The following ZNF664 variants were observed in gnomAD, a reference collection of about 807,000 sequenced individuals.
The protein encoded by ZNF664 is zinc finger protein 664, also known as zinc finger Organ of Corti 1.
In ZNF664, 10 loss-of-function variants were observed where a neutral mutation model predicts 18.2. The observed-to-expected ratio is 0.55, with a 90% CI of 0.34 to 0.93. ZNF664 has a LOEUF of 0.93. ZNF664 is among the 40% of genes least tolerant of loss of function. The probability of loss-of-function intolerance (pLI) is 0.02; values close to 1 mark genes in which losing one functional copy is unlikely to be tolerated. For missense variants in ZNF664, 193 were observed against 319.0 expected (o/e 0.61, Z 3.01); for synonymous variants, 119 against 104.2 (o/e 1.14, Z -0.86).
In ZNF664 at chr12:124,015,387, G is replaced by A. The variant is rs1023661330; in HGVS notation, c.*2457G>A. 1.8e-5 allele frequency: 3 copies of A among 166,176 alleles called. No individual in the cohort carries two copies. The highest frequency in any genetic ancestry group is 2.9e-5 in the Non-Finnish European group (2 of 68,114). The allele number at this position is 166,176 out of a possible 1,614,324, so 10.3% of individuals were successfully genotyped here. The stretch of plus-strand genomic sequence containing the variant: ...TTCAGAAAATATTATTTGACCTACA[G>A]TATGTCCAAATCAATTTAATAAAAT... On this transcript the variant is annotated 3_prime_UTR_variant, in exon 5 of 5. Transcript: ENST00000337815.
intron 2 of ZNF664, among the ~76,000 whole-genome samples, chr12:123,987,822 C>T (rs542905210): frequency 3.9e-5 from 6 of 152,124 alleles, no homozygotes; most frequent in Admixed American, 1.3e-4. Flanking sequence ...GTGCAGAGTG[C>T]CTGGATTTTC....
intron 3 of ZNF664, among the ~76,000 whole-genome samples, chr12:124,003,924 T>A (rs1489118086): frequency 6.6e-6 from 1 of 152,216 alleles, no homozygotes; most frequent in Non-Finnish European, 1.5e-5. Context: ...ATTCAGCCAC[T>A]TGGGTGCGTG....
intron 3 of ZNF664, among the ~76,000 whole-genome samples, chr12:124,006,808 C>T (rs904213076): frequency 2.0e-5 from 3 of 152,156 alleles, no homozygotes; most frequent in Non-Finnish European, 4.4e-5. Context: ...TGAGTTTGTC[C>T]TTGGCAGCCT....
chr12:124,003,996 A>G lies in ZNF664; in HGVS notation c.-660-7385A>G, dbSNP rs566219878. On this transcript the variant is annotated intron_variant, in intron 3 of 4. Transcript: ENST00000337815. ...GGTGTCACTGAGAGTAGGTGGGGCC[A>G]GAGAGTTCTGGTGAGCGCAGAGAGA... is the stretch of plus-strand genomic sequence containing the variant. Among the ~76,000 whole-genome samples, 19 of 152,328 alleles carry G rather than the reference A, an allele frequency of 1.2e-4. No individual in the cohort carries two copies. The East Asian group carries it at 3.3e-3, about 26-fold the overall frequency.
rs1275761895 is a variant in ZNF664, at chr12:124,011,801, G to A, written c.-344G>A. On this transcript the variant is annotated 5_prime_UTR_variant, in exon 5 of 5. Transcript: ENST00000337815. Reference sequence around the variant, plus strand: ...ATTACTCTACAAGAGGAAGATTCCAGGGGCTCAAAAACGCAAAGGTTTGCA... The same window carrying A: ...ATTACTCTACAAGAGGAAGATTCCAAGGGCTCAAAAACGCAAAGGTTTGCA... 1 of 1,116,298 alleles carries A rather than the reference G, an allele frequency of 9.0e-7. No individual in the cohort carries two copies. Among genetic ancestry groups the A allele is most frequent in the Non-Finnish European group, 1.1e-6 (1 of 917,764 alleles). 69.1% of individuals were successfully genotyped at this position (1,116,298 alleles called of 1,614,324 possible).
chr12:123,994,862 C>G (rs1385531520), intron 3 of ZNF664, among the ~76,000 whole-genome samples: 1 of 152,118 alleles, frequency 6.6e-6, no homozygotes, highest in Non-Finnish European at 1.5e-5. Context: ...GGAGTGCCTA[C>G]CTAGATGAAC....
At chr12:123,984,441 T>G (rs1956801434) in intron 2 of ZNF664, among the ~76,000 whole-genome samples, 1 of 151,938 alleles carries the variant, frequency 6.6e-6, no homozygotes, top group African/African-American at 2.4e-5. Context: ...AAATCAGTCT[T>G]TAAGAGGTCT....
chr12:124,010,018 C>A (rs962372421), intron 3 of ZNF664, among the ~76,000 whole-genome samples: 2 of 151,930 alleles, frequency 1.3e-5, no homozygotes, highest in Non-Finnish European at 2.9e-5. Context: ...CGATGGCCTT[C>A]GGTTGCTTGC....
At chr12:123,974,110 C>T in intron 2 of ZNF664, 90 bp downstream of exon 2, 1 of 981,276 alleles carries the variant, frequency 1.0e-6, no homozygotes, top group Non-Finnish European at 1.3e-6. Flanking sequence ...GCAGTTTTCT[C>T]ACTGTCCCCG....
At position 124,012,486 on chromosome 12, in the gene ZNF664, G is replaced by C. The variant is rs759998772; in HGVS notation, c.342G>C (p.Pro114=). ...TGAGAGTTCATACAGGTGAGAAACC[G>C]TATGTCTGTAGTGAGTGTGGAAGGG... is the stretch of plus-strand genomic sequence containing the variant. ...IHMRVHTGEK[P]YVCSECGRGF... Residue 114 remains proline (P), a synonymous_variant, in exon 5 of 5, where the codon CCG becomes CCC. Transcript: ENST00000337815. 1 of 1,614,070 alleles carries C rather than the reference G, an allele frequency of 6.2e-7. No individual in the cohort carries two copies. Among genetic ancestry groups the C allele is most frequent in the Non-Finnish European group, 8.5e-7 (1 of 1,180,056 alleles).
intron 3 of ZNF664, among the ~76,000 whole-genome samples, chr12:124,002,500 T>C (rs542260506): frequency 2.6e-5 from 4 of 152,042 alleles, no homozygotes; most frequent in Non-Finnish European, 5.9e-5. Flanking sequence ...GAGAGACCTG[T>C]GGTTGAGAGG....
chr12:123,987,535 C>T (rs1956839642), intron 2 of ZNF664, among the ~76,000 whole-genome samples: 1 of 152,158 alleles, frequency 6.6e-6, no homozygotes, highest in Admixed American at 6.6e-5. Context: ...TTATTATCTC[C>T]ATTAACTCAT....
At chr12:124,002,678 A>G (rs1311816163) in intron 3 of ZNF664, among the ~76,000 whole-genome samples, 1 of 152,168 alleles carries the variant, frequency 6.6e-6, no homozygotes, top group Non-Finnish European at 1.5e-5. Flanking sequence ...AGGACAATGC[A>G]TCTGGATGGA....
intron 3 of ZNF664, among the ~76,000 whole-genome samples, chr12:124,000,493 C>T (rs945850466): frequency 1.3e-5 from 2 of 152,176 alleles, no homozygotes; most frequent in East Asian, 3.8e-4. Flanking sequence ...GAATTCCTCT[C>T]ATTTTTATTT....
intron 2 of ZNF664, among the ~76,000 whole-genome samples, chr12:123,976,721 C>G (rs974646619): frequency 6.6e-6 from 1 of 151,886 alleles, no homozygotes; most frequent in African/African-American, 2.4e-5. Flanking sequence ...GAGACGTGAG[C>G]TTTCCCTTGG....
At chr12:123,997,571 CCT>C (rs1956964681) in intron 3 of ZNF664, 1 of 152,262 alleles carries the variant, frequency 6.6e-6, no homozygotes. Flanking sequence ...GGCCTTTTTC[CCT>C]GTCTGTGTGT....
At chr12:123,976,164 A>G (rs141232236) in intron 2 of ZNF664, among the ~76,000 whole-genome samples, 7 of 152,358 alleles carry the variant, frequency 4.6e-5, no homozygotes, top group Non-Finnish European at 7.3e-5. Flanking sequence ...CACAATCACA[A>G]CTACACGTAT....
At chr12:124,004,386 A>G (rs1416416391) in intron 3 of ZNF664, among the ~76,000 whole-genome samples, 3 of 152,220 alleles carry the variant, frequency 2.0e-5, no homozygotes, top group African/African-American at 7.2e-5. Context: ...AACAGAGCAG[A>G]AAGCTGGAAC....
intron 3 of ZNF664, among the ~76,000 whole-genome samples, chr12:124,001,743 A>C (rs1358804423): frequency 6.6e-6 from 1 of 152,186 alleles, no homozygotes; most frequent in Non-Finnish European, 1.5e-5. Context: ...CTTGATGAAC[A>C]TTGTCTCCCC....
Sources: allele counts gnomAD v4.1 joint callset (sites outside exome capture counted in the v4.1 genomes callset), GRCh38; gene constraint gnomAD v4.1.1; transcripts MANE v1.5; gene names NCBI Gene and HGNC (gene_info 2026-07-23, HGNC 2026-07-21).